The following CERS6 variants were observed in gnomAD, a reference collection of about 807,000 sequenced individuals.
CERS6 encodes the protein ceramide synthase 6, also known as LAG1 homolog, ceramide synthase 6.
In CERS6, 26 loss-of-function variants were observed where a neutral mutation model predicts 56.8. That is an observed-to-expected ratio of 0.46 (90% CI 0.34 to 0.63). The LOEUF (loss-of-function observed/expected upper bound fraction) is 0.63. Among genes scored for constraint, CERS6 ranks in the 30% least tolerant of loss-of-function variants. The probability of loss-of-function intolerance (pLI) is 0.01; values close to 1 mark genes in which losing one functional copy is unlikely to be tolerated. For synonymous variants in CERS6, 164 were observed against 173.3 expected (o/e 0.95, Z 0.42); for missense variants, 415 against 467.5 (o/e 0.89, Z 1.04).
chr2:168,538,914 A>G (rs924909775), intron 1 of CERS6, among the ~76,000 whole-genome samples: 2 of 152,170 alleles, frequency 1.3e-5, no homozygotes, highest in African/African-American at 4.8e-5. Flanking sequence ...TATTTTAACA[A>G]TACCTCTTTA....
chr2:168,505,237 C>A (rs776014915), intron 1 of CERS6, among the ~76,000 whole-genome samples: 27 of 151,626 alleles, frequency 1.8e-4, no homozygotes, highest in Non-Finnish European at 2.8e-4. Context: ...AAAAAATTAG[C>A]TGGGCATAGT....
At chr2:168,731,850 A>C (rs1683544027) in intron 8 of CERS6, among the ~76,000 whole-genome samples, 3 of 152,314 alleles carry the variant, frequency 2.0e-5, no homozygotes, top group African/African-American at 7.2e-5. Context: ...GCACTGAAGG[A>C]ATTTTTCTTT....
At chr2:168,644,007 C>A (rs2105308791) in intron 4 of CERS6, 3 of 763,150 alleles carry the variant, frequency 3.9e-6, no homozygotes, top group East Asian at 2.6e-4. Flanking sequence ...GCTAGTATAT[C>A]CAGAGGGAAA....
intron 6 of CERS6, among the ~76,000 whole-genome samples, chr2:168,699,715 A>T (rs1242480664): frequency 1.3e-5 from 2 of 152,140 alleles, no homozygotes; most frequent in Admixed American, 1.3e-4. Context: ...CAGAGTTGGT[A>T]CTTATTTGGT....
intron 1 of CERS6, among the ~76,000 whole-genome samples, chr2:168,476,406 A>G (rs1418971395): frequency 6.6e-6 from 1 of 152,212 alleles, no homozygotes; most frequent in Admixed American, 6.5e-5. Context: ...TTTTCTATGC[A>G]TGTTCAAGTA....
At chr2:168,619,814 A>C (rs968422678) in intron 3 of CERS6, among the ~76,000 whole-genome samples, 18 of 151,898 alleles carry the variant, frequency 1.2e-4, no homozygotes, top group Admixed American at 9.8e-4. Context: ...CATTTGATCC[A>C]GCAATCCCAT....
Position 168,775,068 on chromosome 2 carries a change from A to G in CERS6, c.*5406A>G, listed in dbSNP as rs750026610. ...TATTCATTCTTGATCTCTGGAAGCA[A>G]TCATTATTATGAGGATCATTTTACT... On this transcript the variant is annotated 3_prime_UTR_variant, in exon 10 of 10. Transcript: ENST00000305747. 2.0e-5 allele frequency: 3 copies of G among 152,348 alleles called. No individual in the cohort carries two copies. Among genetic ancestry groups the G allele is most frequent in the Middle Eastern group, 3.4e-3 (1 of 294 alleles). 9.4% of individuals were successfully genotyped at this position (152,348 alleles called of 1,614,324 possible). A position where few individuals can be genotyped will look rare whatever the true frequency, so the allele number is the denominator to read the frequency against.
chr2:168,669,361 C>A (rs1415040530), intron 4 of CERS6, among the ~76,000 whole-genome samples: 1 of 152,190 alleles, frequency 6.6e-6, no homozygotes, highest in Non-Finnish European at 1.5e-5. Flanking sequence ...TTCCACACAC[C>A]ATTTTCACTT....
intron 3 of CERS6, among the ~76,000 whole-genome samples, chr2:168,601,613 G>T (rs1182337538): frequency 6.6e-6 from 1 of 151,384 alleles, no homozygotes; most frequent in African/African-American, 2.4e-5. Flanking sequence ...GTAGTGGTAT[G>T]ATCTTGGCTC....
intron 4 of CERS6, among the ~76,000 whole-genome samples, chr2:168,637,969 A>G (rs944920368): frequency 6.6e-6 from 1 of 152,244 alleles, no homozygotes; most frequent in Non-Finnish European, 1.5e-5. Context: ...CCTAGGTCAT[A>G]AAAGAACATG....
In CERS6 at chr2:168,618,205, CAAAATTGGCATTCAGCAGA is replaced by C. The variant is rs1182115570; in HGVS notation, c.408-12779_408-12761del. On this transcript the variant is annotated intron_variant, in intron 3 of 9. Transcript: ENST00000305747. Reference sequence around the variant, plus strand: ...ATGGCTTTATGTTTAAAACCCTTAGCAAAATTGGCATTCAGCAGACATACCTGAATGTAAGAAAAGCCAT... The same window carrying C: ...ATGGCTTTATGTTTAAAACCCTTAGCCATACCTGAATGTAAGAAAAGCCAT... 4.6e-5 allele frequency among the ~76,000 whole-genome samples: 7 copies of C among 152,206 alleles called. No homozygotes were observed. In the South Asian group the frequency reaches 1.5e-3, roughly 32 times the overall value.
At chr2:168,659,997 C>T (rs1452089506) in intron 4 of CERS6, among the ~76,000 whole-genome samples, 1 of 152,132 alleles carries the variant, frequency 6.6e-6, no homozygotes, top group Non-Finnish European at 1.5e-5. Context: ...GGAATACAAA[C>T]GTGGAAATGT....
At chr2:168,497,343 G>A (rs963177074) in intron 1 of CERS6, among the ~76,000 whole-genome samples, 8 of 151,978 alleles carry the variant, frequency 5.3e-5, no homozygotes, top group Admixed American at 2.0e-4. Flanking sequence ...AAAATAAAAT[G>A]TGTCAGGTAG....
At chr2:168,658,498 G>A (rs1435650467) in intron 4 of CERS6, among the ~76,000 whole-genome samples, 1 of 152,164 alleles carries the variant, frequency 6.6e-6, no homozygotes, top group Non-Finnish European at 1.5e-5. Context: ...CACAGAAGAG[G>A]GAACTCTTTG....
intron 1 of CERS6, among the ~76,000 whole-genome samples, chr2:168,477,005 G>A (rs1439813199): frequency 6.6e-6 from 1 of 152,060 alleles, no homozygotes; most frequent in Non-Finnish European, 1.5e-5. Flanking sequence ...GACTGGTGGC[G>A]TAAACAACAG....
At chr2:168,593,009 G>A (rs1683710687) in intron 3 of CERS6, among the ~76,000 whole-genome samples, 1 of 152,050 alleles carries the variant, frequency 6.6e-6, no homozygotes, top group East Asian at 1.9e-4. Flanking sequence ...TTTGTTCCCT[G>A]GCCTCTTCTA....
intron 3 of CERS6, chr2:168,606,529 G>C (rs929804441): frequency 3.3e-5 from 5 of 152,146 alleles, no homozygotes; most frequent in African/African-American, 1.2e-4. Flanking sequence ...AGGCTCATAG[G>C]GAGAAGGAAT....
Position 168,662,879 on chromosome 2 carries a change from G to A in CERS6, c.466-28155G>A, listed in dbSNP as rs114641975. On this transcript the variant is annotated intron_variant, in intron 4 of 9. Transcript: ENST00000305747. ...CTTGTTGGCATATAGTAACTACTTA[G>A]TAGCTATTAAAATGATTCATCTTTG... 2.5e-3 allele frequency among the ~76,000 whole-genome samples: 380 copies of A among 152,320 alleles called. 2 individuals are homozygous for A. Among genetic ancestry groups the A allele is most frequent in the African/African-American group, 8.8e-3 (367 of 41,546 alleles).
chr2:168,599,641 CATTT>C (rs1683885165), intron 3 of CERS6, among the ~76,000 whole-genome samples: 1 of 152,140 alleles, frequency 6.6e-6, no homozygotes, highest in East Asian at 1.9e-4. Context: ...TGTTGACATT[CATTT>C]GAGATCTGTG....
Sources: allele counts gnomAD v4.1 joint callset (sites outside exome capture counted in the v4.1 genomes callset), GRCh38; gene constraint gnomAD v4.1.1; transcripts MANE v1.5; gene names NCBI Gene and HGNC (gene_info 2026-07-23, HGNC 2026-07-21).